The following HDAC9 variants were observed in gnomAD, a reference collection of about 807,000 sequenced individuals.
The protein encoded by HDAC9 is MEF-2 interacting transcription repressor (MITR) protein.
Under a neutral mutation model 139.4 loss-of-function variants are expected in HDAC9, and 41 were observed. That is an observed-to-expected ratio of 0.29 (90% CI 0.23 to 0.38). The LOEUF is 0.38. HDAC9 is among the 10% of genes least tolerant of loss of function. The probability of loss-of-function intolerance (pLI) is 1.00; values close to 1 mark genes in which losing one functional copy is unlikely to be tolerated. For synonymous variants in HDAC9, 517 were observed against 476.2 expected (o/e 1.09, Z -1.12); for missense variants, 1,147 against 1,297.0 (o/e 0.88, Z 1.78).
At position 18,863,189 on chromosome 7, in the gene HDAC9, C is replaced by T. The variant is rs115470688; in HGVS notation, c.2685-11289C>T. Among the ~76,000 whole-genome samples, 1,068 of 152,228 alleles carry T rather than the reference C, an allele frequency of 7.0e-3. 18 individuals are homozygous for T. The highest frequency in any genetic ancestry group is 0.024 in the African/African-American group (1,003 of 41,536). ...AGGGATTTTACATACATTTGTGAAA[C>T]GTGCAGAGGCTGAGGAAGAGTGAGG... On this transcript the variant is annotated intron_variant, in intron 21 of 25. Transcript: ENST00000686413.
intron 1 of HDAC9, among the ~76,000 whole-genome samples, chr7:18,482,826 G>A (rs1024504397): frequency 6.6e-6 from 1 of 152,140 alleles, no homozygotes; most frequent in African/African-American, 2.4e-5. Flanking sequence ...CTCTGGTCAT[G>A]CCCACTTTGT....
At chr7:18,763,178 A>G (rs577913119) in intron 15 of HDAC9, among the ~76,000 whole-genome samples, 1 of 152,332 alleles carries the variant, frequency 6.6e-6, no homozygotes, top group East Asian at 1.9e-4. Flanking sequence ...AAATTGTTTT[A>G]TATTAACTGG....
At chr7:18,278,460 AG>A (rs1272297716) in intron 2 of HDAC9, among the ~76,000 whole-genome samples, 1 of 152,208 alleles carries the variant, frequency 6.6e-6, no homozygotes, top group Non-Finnish European at 1.5e-5. Context: ...AGAGCAACAA[AG>A]TTCTGTATTG....
At position 18,997,773 on chromosome 7, in the gene HDAC9, T is replaced by C. The variant is rs1159361218; in HGVS notation, c.*1711T>C. ...CTCCCTTTGTTATACAGTCAGACCATATTTTTCATGCATTTGGTTTTTTTA... is the reference window on the plus strand; with the variant it reads ...CTCCCTTTGTTATACAGTCAGACCACATTTTTCATGCATTTGGTTTTTTTA... On this transcript the variant is annotated 3_prime_UTR_variant, in exon 26 of 26. Coordinates refer to ENST00000686413, the MANE Select transcript of HDAC9 (RefSeq NM_178425.4). The C allele has an allele frequency of 6.6e-6, 1 of 152,174 alleles. No individual in the cohort carries two copies. The highest frequency in any genetic ancestry group is 2.4e-5 in the African/African-American group (1 of 41,450). 9.4% of individuals were successfully genotyped at this position (152,174 alleles called of 1,614,324 possible). A position where few individuals can be genotyped will look rare whatever the true frequency, so the allele number is the denominator to read the frequency against.
intron 1 of HDAC9, among the ~76,000 whole-genome samples, chr7:18,332,014 C>T (rs1195040251): frequency 6.6e-6 from 1 of 151,602 alleles, no homozygotes; most frequent in Non-Finnish European, 1.5e-5. Context: ...AGATACTGGA[C>T]TTCTGTCAAG....
At chr7:18,444,341 GAAA>G (rs754142568) in intron 1 of HDAC9, among the ~76,000 whole-genome samples, 4 of 35,174 alleles carry the variant, frequency 1.1e-4, no homozygotes, top group African/African-American at 3.3e-4. Flanking sequence ...GACCCTGTCT[GAAA>G]AAAAAAAAAA....
chr7:18,994,553 T>G (rs1391760867), intron 25 of HDAC9, among the ~76,000 whole-genome samples: 2 of 152,176 alleles, frequency 1.3e-5, no homozygotes, highest in Non-Finnish European at 2.9e-5. Context: ...CACAGACTCT[T>G]TTAGAATTTT....
intron 22 of HDAC9, among the ~76,000 whole-genome samples, chr7:18,901,251 T>C (rs1310876584): frequency 4.8e-5 from 7 of 147,230 alleles, no homozygotes; most frequent in African/African-American, 1.5e-4. Flanking sequence ...CACACACATA[T>C]ATACATATAC....
intron 22 of HDAC9, among the ~76,000 whole-genome samples, chr7:18,920,576 T>C (rs1305294997): frequency 6.6e-6 from 1 of 152,142 alleles, no homozygotes; most frequent in East Asian, 1.9e-4. Context: ...TGTGCCAGTT[T>C]TCAAAGGGAA....
chr7:18,128,545 C>A (rs572462048), intron 1 of HDAC9, among the ~76,000 whole-genome samples: 5 of 151,954 alleles, frequency 3.3e-5, no homozygotes, highest in African/African-American at 1.2e-4. Context: ...TCTCAGGACA[C>A]CTTAGGGTAG....
At chr7:18,691,093 A>G (rs1255794499) in intron 12 of HDAC9, among the ~76,000 whole-genome samples, 1 of 152,046 alleles carries the variant, frequency 6.6e-6, no homozygotes, top group Non-Finnish European at 1.5e-5. Flanking sequence ...GTATTTACAC[A>G]TGCATAGAAG....
intron 19 of HDAC9, among the ~76,000 whole-genome samples, chr7:18,832,766 G>A (rs939769364): frequency 2.0e-5 from 3 of 151,540 alleles, no homozygotes; most frequent in South Asian, 2.1e-4. Flanking sequence ...ACGGAGTTTC[G>A]CTCTTGTTGC....
intron 6 of HDAC9, among the ~76,000 whole-genome samples, chr7:18,614,037 A>G (rs1476361074): frequency 6.6e-6 from 1 of 152,032 alleles, no homozygotes; most frequent in African/African-American, 2.4e-5. Flanking sequence ...AATTGTCACC[A>G]TCTTAAAGAC....
At chr7:18,420,479 G>C (rs920125880) in intron 1 of HDAC9, among the ~76,000 whole-genome samples, 1 of 152,134 alleles carries the variant, frequency 6.6e-6, no homozygotes. Flanking sequence ...TATGGTTTTA[G>C]TTACAGCATT....
chr7:18,901,627 T>C (rs916325512), intron 22 of HDAC9, among the ~76,000 whole-genome samples: 4 of 152,164 alleles, frequency 2.6e-5, no homozygotes, highest in Non-Finnish European at 5.9e-5. Flanking sequence ...CTTAACCTCA[T>C]TGTATAGTAT....
At chr7:18,724,063 A>G (rs542570396) in intron 12 of HDAC9, among the ~76,000 whole-genome samples, 2 of 152,310 alleles carry the variant, frequency 1.3e-5, no homozygotes, top group South Asian at 2.1e-4. Context: ...TGCAAAATGT[A>G]TTTAGAGCTT....
intron 1 of HDAC9, among the ~76,000 whole-genome samples, chr7:18,324,726 A>G (rs1800303586): frequency 6.6e-6 from 1 of 152,180 alleles, no homozygotes. Context: ...AAATTTGAGA[A>G]GCATTATTGT....
intron 19 of HDAC9, 134 bp from the exon 20 acceptor site, chr7:18,835,333 A>G (rs1796157945): frequency 2.0e-6 from 2 of 997,750 alleles, no homozygotes; most frequent in South Asian, 2.0e-5. Context: ...GGGAGAAAGA[A>G]AAGAGGAACG....
At chr7:18,566,189 G>A (rs1007820901) in intron 2 of HDAC9, among the ~76,000 whole-genome samples, 5 of 152,134 alleles carry the variant, frequency 3.3e-5, no homozygotes, top group Admixed American at 2.0e-4. Context: ...TATTTATTAT[G>A]GAAAGTTAGA....
Sources: allele counts gnomAD v4.1 joint callset (sites outside exome capture counted in the v4.1 genomes callset), GRCh38; gene constraint gnomAD v4.1.1; transcripts MANE v1.5; gene names NCBI Gene and HGNC (gene_info 2026-07-23, HGNC 2026-07-21).